Variants in RRP1B observed in about 807,000 individuals in gnomAD.
The protein encoded by RRP1B is ribosomal RNA processing 1B.
A neutral mutation model predicts 80.2 loss-of-function variants in RRP1B; 56 were observed. That is an observed-to-expected ratio of 0.70 (90% CI 0.56 to 0.87). RRP1B has a LOEUF of 0.87. Ranked by LOEUF, RRP1B falls within the 40% of genes least tolerant of loss-of-function variation. The probability of loss-of-function intolerance (pLI) is 0.00; values close to 1 mark genes in which losing one functional copy is unlikely to be tolerated. For missense variants in RRP1B, 807 were observed against 939.8 expected, an observed-to-expected ratio of 0.86 and a Z score of 1.85; for synonymous variants, 351 against 357.6, an observed-to-expected ratio of 0.98 and a Z score of 0.21.
chr21:43,672,611 A>T (rs1381795081), intron 3 of RRP1B, among the ~76,000 whole-genome samples: 1 of 152,188 alleles, frequency 6.6e-6, no homozygotes, highest in African/African-American at 2.4e-5. Context: ...ATTCTGAGTT[A>T]CTTTAACACT....
chr21:43,674,972 C>G, intron 5 of RRP1B, 62 bp from the exon 6 acceptor site: 1 of 1,593,028 alleles, frequency 6.3e-7, no homozygotes, highest in Non-Finnish European at 8.5e-7. Flanking sequence ...TTTTGTTTCT[C>G]TTTGGGAAGT....
At position 43,688,255 on chromosome 21, in the gene RRP1B, C is replaced by T. The variant is rs1353616390; in HGVS notation, c.1866+15C>T. ...CCCAGGCTCTGGTAAGGTGGGAGCA[C>T]CCACAGGCCAGCTCGCCACAGAGGC... On this transcript the variant is annotated intron_variant, in intron 13 of 15. Transcript: ENST00000340648. 7 of 1,515,428 alleles carry T rather than the reference C, an allele frequency of 4.6e-6. No individual in the cohort carries two copies. The highest frequency in any genetic ancestry group is 6.2e-6 in the Non-Finnish European group (7 of 1,128,026). 93.9% of individuals were successfully genotyped at this position (1,515,428 alleles called of 1,614,324 possible).
chr21:43,672,238 G>C, intron 2 of RRP1B, 70 bp from the exon 3 acceptor site: 1 of 1,387,716 alleles, frequency 7.2e-7, no homozygotes, highest in Non-Finnish European at 1.0e-6. Flanking sequence ...GAAGGAAGCA[G>C]GCCGCGGCAC....
Position 43,695,007 on chromosome 21 carries a change from G to T in RRP1B, c.*1624G>T, listed in dbSNP as rs959412742. ...TAATCGTTTTGTCATAATGAGCCAT[G>T]AAAAAAGTAATGAACTTGTGCTGTT... On this transcript the variant is annotated 3_prime_UTR_variant, in exon 16 of 16. Coordinates refer to ENST00000340648, the MANE Select transcript of RRP1B (RefSeq NM_015056.3). 2.0e-5 allele frequency: 3 copies of T among 152,106 alleles called. No homozygotes were observed. Among genetic ancestry groups the T allele is most frequent in the African/African-American group, 7.2e-5 (3 of 41,416 alleles). 9.4% of individuals were successfully genotyped at this position (152,106 alleles called of 1,614,324 possible).
intron 10 of RRP1B, 61 bp downstream of exon 10, chr21:43,684,711 G>A: frequency 2.2e-6 from 3 of 1,355,954 alleles, no homozygotes. Context: ...CTCCTGGTGT[G>A]GGACAAGCCA....
At position 43,676,780 on chromosome 21, in the gene RRP1B, T is replaced by C; in HGVS notation, c.662T>C (p.Val221Ala). Residue 221 changes from valine (V) to alanine (A), a missense_variant, in exon 8 of 16, where the codon GTA becomes GCA. Physicochemically the swap from Val to Ala is moderately conservative, Grantham distance 64. Transcript: ENST00000340648. ...TIARGVFEAI[V>A]DQSPFVPEET... ...GCTCGGGGTGTCTTCGAAGCTATCGTAGATCAGTCTCCTTTTGTGCCTGAA... is the reference window on the plus strand; with the variant it reads ...GCTCGGGGTGTCTTCGAAGCTATCGCAGATCAGTCTCCTTTTGTGCCTGAA... 6.2e-7 allele frequency: 1 copy of C among 1,614,234 alleles called. No individual in the cohort carries two copies. Among genetic ancestry groups the C allele is most frequent in the Non-Finnish European group, 8.5e-7 (1 of 1,180,050 alleles).
chr21:43,673,136 A>T (rs973170181), intron 3 of RRP1B, among the ~76,000 whole-genome samples: 1 of 152,144 alleles, frequency 6.6e-6, no homozygotes, highest in Admixed American at 6.5e-5. Flanking sequence ...TTCTATATGG[A>T]TTATATAAGT....
At chr21:43,665,892 T>C (rs1363600031) in intron 1 of RRP1B, among the ~76,000 whole-genome samples, 1 of 152,202 alleles carries the variant, frequency 6.6e-6, no homozygotes, top group Non-Finnish European at 1.5e-5. Context: ...TGTTCCTTTA[T>C]AGCAGCGCAA....
At chr21:43,682,275 G>C (rs1403445290) in intron 8 of RRP1B, among the ~76,000 whole-genome samples, 1 of 152,120 alleles carries the variant, frequency 6.6e-6, no homozygotes, top group Non-Finnish European at 1.5e-5. Flanking sequence ...GTGCAGTTCC[G>C]GACGTTCCCT....
intron 3 of RRP1B, 111 bp from the exon 4 acceptor site, chr21:43,673,759 G>A: frequency 1.6e-6 from 1 of 636,982 alleles, no homozygotes; most frequent in Non-Finnish European, 2.7e-6. Flanking sequence ...AAGAATTACT[G>A]AGAAAAGTGA....
chr21:43,684,170 C>T (rs1601759193), intron 9 of RRP1B, among the ~76,000 whole-genome samples: 1 of 149,930 alleles, frequency 6.7e-6, no homozygotes, highest in African/African-American at 2.5e-5. Context: ...CTCCTGAGTT[C>T]ACGCCATTCT....
chr21:43,663,112 A>G (rs1024883382), intron 1 of RRP1B, among the ~76,000 whole-genome samples: 2 of 152,218 alleles, frequency 1.3e-5, no homozygotes, highest in Non-Finnish European at 2.9e-5. Flanking sequence ...ATGTTCTGAC[A>G]CTGGGGTGTG....
At chr21:43,675,666 C>A (rs1376771910) in intron 6 of RRP1B, among the ~76,000 whole-genome samples, 1 of 151,964 alleles carries the variant, frequency 6.6e-6, no homozygotes, top group Non-Finnish European at 1.5e-5. Flanking sequence ...AACAATAATT[C>A]TTTTGTCTCA....
At chr21:43,685,929 C>G in intron 11 of RRP1B, 140 bp downstream of exon 11, 3 of 1,110,658 alleles carry the variant, frequency 2.7e-6, no homozygotes, top group Non-Finnish European at 3.8e-6. Flanking sequence ...GTCCCTAGCC[C>G]AGGCAAAATA....
chr21:43,666,138 A>G (rs2082977338), intron 1 of RRP1B, among the ~76,000 whole-genome samples: 1 of 152,196 alleles, frequency 6.6e-6, no homozygotes, highest in Non-Finnish European at 1.5e-5. Context: ...GCTTCTGCCA[A>G]TTCAGCAGAA....
intron 15 of RRP1B, among the ~76,000 whole-genome samples, chr21:43,692,274 C>T (rs901985730): frequency 6.6e-6 from 1 of 152,138 alleles, no homozygotes; most frequent in South Asian, 2.1e-4. Flanking sequence ...GCCATCCATT[C>T]GAGTTGCTTT....
In RRP1B at chr21:43,687,597, A is replaced by C. The variant is rs2083068349; in HGVS notation, c.1223A>C (p.His408Pro). The C allele has an allele frequency of 6.6e-7, 1 of 1,517,266 alleles. No homozygotes were observed. Among genetic ancestry groups the C allele is most frequent in the African/African-American group, 1.4e-5 (1 of 71,840 alleles). 94.0% of individuals were successfully genotyped at this position (1,517,266 alleles called of 1,614,324 possible). A position where few individuals can be genotyped will look rare whatever the true frequency, so the allele number is the denominator to read the frequency against. Residue 408 changes from histidine (H) to proline (P), a missense_variant, in exon 13 of 16, where the codon CAC (histidine) becomes CCC (proline). By Grantham distance (77) the His-to-Pro change is moderately conservative. Coordinates refer to ENST00000340648, the MANE Select transcript of RRP1B (RefSeq NM_015056.3). The stretch of plus-strand genomic sequence containing the variant: ...AGAAGGAAGAAGAAGAAGAAGCACC[A>C]CCTGCAGCCTGAAAATCCAGGCCCA... ...KRRRKKKKKH[H>P]LQPENPGPGG...
rs572589412 is a variant in RRP1B at position 43,684,430 on chromosome 21, CT to C, written c.892-121del. On this transcript the variant is annotated intron_variant, in intron 9 of 15. Coordinates refer to ENST00000340648, the MANE Select transcript of RRP1B (RefSeq NM_015056.3). The stretch of plus-strand genomic sequence containing the variant: ...CCTGGTTGCCAAGTCCCAGCACAAG[CT>C]TGTTTAGCCTATCTGTTGCCAAATG... The C allele has an allele frequency of 6.7e-4, 538 of 805,534 alleles. 3 individuals are homozygous for C. The South Asian group carries it at 7.5e-3, about 11-fold the overall frequency. The allele number at this position is 805,534 out of a possible 1,614,324, so 49.9% of individuals were successfully genotyped here. A position where few individuals can be genotyped will look rare whatever the true frequency, so the allele number is the denominator to read the frequency against.
chr21:43,670,200 TC>T (rs2082994169), intron 2 of RRP1B, among the ~76,000 whole-genome samples: 1 of 152,272 alleles, frequency 6.6e-6, no homozygotes, highest in Non-Finnish European at 1.5e-5. Context: ...ATTTACTATT[TC>T]TCTGTAAAAT....
Sources: gnomAD v4.1 joint callset for allele counts (sites outside exome capture counted in the v4.1 genomes callset) on GRCh38, gnomAD v4.1.1 for gene constraint, MANE v1.5 for transcripts, NCBI Gene and HGNC (gene_info 2026-07-23, HGNC 2026-07-21) for gene names.